Variants in SEMA3D observed in about 807,000 individuals in gnomAD.
SEMA3D encodes the protein semaphorin 3D, also known as semaphorin-3D.
A neutral mutation model predicts 100.1 loss-of-function variants in SEMA3D; 84 were observed. The observed-to-expected ratio is 0.84, with a 90% CI of 0.70 to 1.01. SEMA3D has a LOEUF of 1.01. SEMA3D is among the 50% of genes least tolerant of loss of function. The pLI is 0.00. For missense variants in SEMA3D, 875 were observed against 934.1 expected (o/e 0.94, Z 0.82); for synonymous variants, 312 against 320.7 (o/e 0.97, Z 0.29).
chr7:85,038,305 G>C (rs934225503), intron 11 of SEMA3D, among the ~76,000 whole-genome samples: 2 of 152,204 alleles, frequency 1.3e-5, no homozygotes, highest in East Asian at 3.9e-4. Flanking sequence ...GAACCTTTGA[G>C]AGGTAATGGT....
chr7:85,240,204 GGTGA>G, the SEMA3D span, among the ~76,000 whole-genome samples: 2 of 151,918 alleles, frequency 1.3e-5, no homozygotes, highest in South Asian at 2.1e-4. Context: ...GTTTGCTGAG[GGTGA>G]GTGTTAGATT....
At chr7:85,239,066 C>T in the SEMA3D span, among the ~76,000 whole-genome samples, 1 of 152,146 alleles carries the variant, frequency 6.6e-6, no homozygotes, top group Non-Finnish European at 1.5e-5. Context: ...AAAATATACA[C>T]ACCTTATTAA....
rs1789483829 is a variant in SEMA3D at position 84,995,826 on chromosome 7, A to G, written c.*3614T>C. Reference sequence around the variant, plus strand: ...ACTATAAAATATTTAAATGAGAGGTATAAGTCATGTGTATGATCCTGTCTT... The same window carrying G: ...ACTATAAAATATTTAAATGAGAGGTGTAAGTCATGTGTATGATCCTGTCTT... On this transcript the variant is annotated 3_prime_UTR_variant, in exon 19 of 19. Transcript: ENST00000284136. The G allele has an allele frequency of 6.6e-6, 1 of 152,044 alleles. No individual in the cohort carries two copies. 9.4% of individuals were successfully genotyped at this position (152,044 alleles called of 1,614,324 possible).
chr7:85,060,645 C>A (rs1223471653), intron 8 of SEMA3D, among the ~76,000 whole-genome samples: 1 of 152,156 alleles, frequency 6.6e-6, no homozygotes, highest in Admixed American at 6.5e-5. Flanking sequence ...ATGTGGCCTG[C>A]AGCACACACT....
At position 85,058,184 on chromosome 7, in the gene SEMA3D, C is replaced by A. The variant is rs551168281; in HGVS notation, c.719-2325G>T. Among the ~76,000 whole-genome samples, 8 of 152,024 alleles carry A rather than the reference C, an allele frequency of 5.3e-5. No homozygotes were observed. The South Asian group carries it at 1.0e-3, about 20-fold the overall frequency. The stretch of plus-strand genomic sequence containing the variant: ...TAGAGCTTCAATGGACTTTTATATT[C>A]TTGATAATCTCACTTTGGTATGGTT... On this transcript the variant is annotated intron_variant, in intron 8 of 18. Transcript: ENST00000284136.
At chr7:85,011,261 G>A (rs987561682) in intron 17 of SEMA3D, among the ~76,000 whole-genome samples, 1 of 151,784 alleles carries the variant, frequency 6.6e-6, no homozygotes, top group African/African-American at 2.4e-5. Context: ...GGGAGTTAGA[G>A]CTTAAGTAAA....
In SEMA3D at chr7:85,036,991, A is replaced by G; in HGVS notation, c.1089T>C (p.Ala363=). The G allele has an allele frequency of 6.2e-7, 1 of 1,613,418 alleles. No individual in the cohort carries two copies. Among genetic ancestry groups the G allele is most frequent in the Admixed American group, 1.7e-5 (1 of 59,964 alleles). ...KGSAVCVYSM[A]DIRAVFNGPY... ...GACCATTAAAAACTGCTCTGATGTC[A>G]GCCATGCTATACACACAAACAGCAG... The change falls in exon 12 of 19, where the codon GCT becomes GCC. Residue 363 remains alanine, a synonymous_variant. Transcript: ENST00000284136.
the SEMA3D span, among the ~76,000 whole-genome samples, chr7:85,233,992 T>C: frequency 1.3e-5 from 2 of 152,160 alleles, no homozygotes; most frequent in African/African-American, 2.4e-5. Flanking sequence ...TATTAGACAA[T>C]ATAATTTTAT....
chr7:85,185,020 T>G lies in SEMA3D; in HGVS notation c.-173+1658A>C, dbSNP rs1791502285. 2.6e-5 allele frequency among the ~76,000 whole-genome samples: 4 copies of G among 152,172 alleles called. No individual in the cohort carries two copies. The South Asian group carries it at 6.2e-4, about 24-fold the overall frequency. On this transcript the variant is annotated intron_variant, in intron 1 of 18. Coordinates refer to ENST00000284136, the MANE Select transcript of SEMA3D (RefSeq NM_001384900.1). The stretch of plus-strand genomic sequence containing the variant: ...AGGGCATCATTGGAGTGATGACATG[T>G]GTGTCTTCTTGCTCATCCTCCTTGC...
At chr7:85,219,247 A>C in the SEMA3D span, among the ~76,000 whole-genome samples, 2 of 152,086 alleles carry the variant, frequency 1.3e-5, no homozygotes, top group Non-Finnish European at 2.9e-5. Context: ...AAAAAAAGTA[A>C]AGAAAAAGAA....
the SEMA3D span, among the ~76,000 whole-genome samples, chr7:85,243,103 G>C: frequency 6.6e-6 from 1 of 152,176 alleles, no homozygotes; most frequent in Non-Finnish European, 1.5e-5. Context: ...GACAGATAGA[G>C]TGGGCTTCTG....
chr7:85,176,925 A>T (rs1244746453), intron 1 of SEMA3D, among the ~76,000 whole-genome samples: 1 of 152,128 alleles, frequency 6.6e-6, no homozygotes, highest in Non-Finnish European at 1.5e-5. Context: ...TGTTTTTACC[A>T]TATCTTTTCT....
intron 1 of SEMA3D, among the ~76,000 whole-genome samples, chr7:85,155,720 G>A (rs1453358503): frequency 6.6e-6 from 1 of 151,962 alleles, no homozygotes; most frequent in East Asian, 1.9e-4. Context: ...TTCTAATGAG[G>A]GTTAGCTCTT....
In SEMA3D at chr7:85,066,913, C is replaced by CACAGAGAG; in HGVS notation, c.589+1277_589+1278insCTCTCTGT. Reference sequence around the variant, plus strand: ...GCGCTCACACACACACACACACACACAGAGAGAGAGAGAGAGAGAGAGAGA... The same window carrying CACAGAGAG: ...GCGCTCACACACACACACACACACACACAGAGAGAGAGAGAGAGAGAGAGAGAGAGAGA... On this transcript the variant is annotated intron_variant, in intron 7 of 18. Transcript: ENST00000284136. Among the ~76,000 whole-genome samples the CACAGAGAG allele has an allele frequency of 8.1e-3, 1,036 of 127,792 alleles. 24 individuals carry two copies. Among genetic ancestry groups the CACAGAGAG allele is most frequent in the African/African-American group, 0.03 (942 of 31,726 alleles). The allele number at this position is 127,792 out of a possible 152,430, so 83.8% of individuals were successfully genotyped here.
At chr7:85,060,878 T>C (rs1791459859) in intron 8 of SEMA3D, among the ~76,000 whole-genome samples, 1 of 152,092 alleles carries the variant, frequency 6.6e-6, no homozygotes, top group Non-Finnish European at 1.5e-5. Flanking sequence ...GAAAAGAAAA[T>C]TTAAAACAAA....
At chr7:85,007,866 C>T (rs1233839055) in intron 17 of SEMA3D, among the ~76,000 whole-genome samples, 1 of 151,738 alleles carries the variant, frequency 6.6e-6, no homozygotes, top group Non-Finnish European at 1.5e-5. Context: ...CCTAAGCATA[C>T]AAATGAGCAG....
chr7:85,232,560 G>A, the SEMA3D span, among the ~76,000 whole-genome samples: 1 of 152,170 alleles, frequency 6.6e-6, no homozygotes, highest in Non-Finnish European at 1.5e-5. Flanking sequence ...TGTGAATCTT[G>A]TGCAACTAAG....
chr7:85,035,412 A>G (rs1584539532), intron 12 of SEMA3D, among the ~76,000 whole-genome samples: 1 of 152,000 alleles, frequency 6.6e-6, no homozygotes, highest in African/African-American at 2.4e-5. Context: ...AAAAACAAGG[A>G]AATTCTGCAT....
At chr7:85,102,655 A>T (rs1362125931) in intron 3 of SEMA3D, among the ~76,000 whole-genome samples, 3 of 152,046 alleles carry the variant, frequency 2.0e-5, no homozygotes, top group Admixed American at 6.6e-5. Flanking sequence ...GTCTGGCTAA[A>T]TTATCCAAGT....
Sources: allele counts gnomAD v4.1 joint callset (sites outside exome capture counted in the v4.1 genomes callset), GRCh38; gene constraint gnomAD v4.1.1; transcripts MANE v1.5; gene names NCBI Gene and HGNC (gene_info 2026-07-23, HGNC 2026-07-21).